CATSPERD: variants seen among roughly 807,000 people sequenced by gnomAD.
CATSPERD encodes cation channel sperm-associated auxiliary subunit delta.
In CATSPERD, 86 loss-of-function variants were observed where a neutral mutation model predicts 98.1. The ratio of observed to expected loss-of-function variants is 0.88; its 90% confidence interval spans 0.74 to 1.05. The LOEUF (loss-of-function observed/expected upper bound fraction) is 1.05. Among genes scored for constraint, CATSPERD ranks in the 50% least tolerant of loss-of-function variants. The pLI is 0.00. For missense variants in CATSPERD, 995 were observed against 1,005.7 expected (o/e 0.99, Z 0.14); for synonymous variants, 394 against 390.2 (o/e 1.01, Z -0.12).
chr19:5,743,013 G>C (rs554145275), intron 7 of CATSPERD, among the ~76,000 whole-genome samples: 35 of 151,808 alleles, frequency 2.3e-4, no homozygotes, highest in Non-Finnish European at 4.6e-4. Flanking sequence ...ATTAAATTAA[G>C]GATCTTGAGG....
At chr19:5,753,238 T>C (rs1018773886) in intron 12 of CATSPERD, among the ~76,000 whole-genome samples, 2 of 151,828 alleles carry the variant, frequency 1.3e-5, no homozygotes, top group African/African-American at 4.8e-5. Context: ...GATCTTCAGA[T>C]GCATACTAGG....
chr19:5,766,574 C>A (rs914459133), intron 17 of CATSPERD, among the ~76,000 whole-genome samples: 5 of 136,802 alleles, frequency 3.7e-5, no homozygotes, highest in African/African-American at 1.2e-4. Flanking sequence ...GGATGACTTT[C>A]GATTATTTAG....
Position 5,776,171 on chromosome 19 carries a change from G to A in CATSPERD, c.1952G>A (p.Ser651Asn), listed in dbSNP as rs1324756150. 3.1e-6 allele frequency: 5 copies of A among 1,614,158 alleles called. No individual in the cohort carries two copies. The highest frequency in any genetic ancestry group is 4.2e-6 in the Non-Finnish European group (5 of 1,180,006). ...CTCTGTCCCCCACAGAACTATGTGA[G>A]CTGCCACGACCCCAACAACAATGCC... is the stretch of plus-strand genomic sequence containing the variant. ...PFFWNRENYV[S>N]CHDPNNNAPL... The change falls in exon 21 of 22, where the codon AGC (serine) becomes AAC (asparagine). Residue 651 changes from serine to asparagine, a missense_variant. Ser to Asn is a conservative substitution (Grantham distance 46, BLOSUM62 1). Coordinates refer to ENST00000381624, the MANE Select transcript of CATSPERD (RefSeq NM_152784.4).
At position 5,724,879 on chromosome 19, in the gene CATSPERD, T is replaced by G; in HGVS notation, c.126+17T>G. 1 of 1,612,868 alleles carries G rather than the reference T, an allele frequency of 6.2e-7. No homozygotes were observed. Among genetic ancestry groups the G allele is most frequent in the Non-Finnish European group, 8.5e-7 (1 of 1,178,852 alleles). ...GTTCAAGGGGTATGTGGCTCCATGC[T>G]TAAATTCATCCTTCACTTTTGTCTA... On this transcript the variant is annotated intron_variant, in intron 2 of 21. Transcript: ENST00000381624.
rs2056250435 is a variant in CATSPERD, at chr19:5,753,024, T to C, written c.1165-1108T>C. Reference sequence around the variant, plus strand: ...GCCTGGGTGATGGAGTGAGACTCCATGTCAAAAAAAAAAAAAAAAAGTAGA... The same window carrying C: ...GCCTGGGTGATGGAGTGAGACTCCACGTCAAAAAAAAAAAAAAAAAGTAGA... On this transcript the variant is annotated intron_variant, in intron 12 of 21. Coordinates refer to ENST00000381624, the MANE Select transcript of CATSPERD (RefSeq NM_152784.4). Among the ~76,000 whole-genome samples, 5 of 137,572 alleles carry C rather than the reference T, an allele frequency of 3.6e-5. No individual in the cohort carries two copies. The South Asian group carries it at 8.9e-4, about 25-fold the overall frequency. The allele number at this position is 137,572 out of a possible 152,430, so 90.3% of individuals were successfully genotyped here.
intron 18 of CATSPERD, 126 bp from the exon 19 acceptor site, chr19:5,770,818 A>T: frequency 8.7e-7 from 1 of 1,144,944 alleles, no homozygotes; most frequent in Non-Finnish European, 1.2e-6. Flanking sequence ...CGCCCACCTC[A>T]GATGCCACCT....
At chr19:5,773,049 G>T (rs2056680388) in intron 20 of CATSPERD, 84 bp downstream of exon 20, 1 of 1,378,906 alleles carries the variant, frequency 7.3e-7, no homozygotes, top group African/African-American at 1.4e-5. Flanking sequence ...GTGCGGCCAT[G>T]GAACTGAGTA....
Position 5,745,877 on chromosome 19 carries a change from T to C in CATSPERD, c.658-36T>C, listed in dbSNP as rs1395045861. On this transcript the variant is annotated intron_variant, in intron 8 of 21. Transcript: ENST00000381624. ...GACTCAGTGGGACTCCACAGTAGGG[T>C]TTGGGGAGAGGCTGAATGGTGTCTT... 4 of 1,609,778 alleles carry C rather than the reference T, an allele frequency of 2.5e-6. No individual in the cohort carries two copies. In the Admixed American group the frequency reaches 6.7e-5, roughly 27 times the overall value.
chr19:5,720,944 C>T (rs1426623326), intron 1 of CATSPERD, 136 bp downstream of exon 1: 4 of 643,830 alleles, frequency 6.2e-6, no homozygotes, highest in Non-Finnish European at 7.9e-6. Flanking sequence ...AACTTGACGC[C>T]TCGCTCACCC....
At chr19:5,763,611 G>C (rs1369734287) in intron 16 of CATSPERD, among the ~76,000 whole-genome samples, 1 of 152,008 alleles carries the variant, frequency 6.6e-6, no homozygotes, top group Non-Finnish European at 1.5e-5. Context: ...GATTCATAGG[G>C]ACAGAAAGTA....
chr19:5,734,215 G>A (rs1030473916), intron 5 of CATSPERD, among the ~76,000 whole-genome samples: 1 of 152,172 alleles, frequency 6.6e-6, no homozygotes, highest in African/African-American at 2.4e-5. Context: ...ACAAACAAGA[G>A]GCATTGGCCG....
intron 10 of CATSPERD, 48 bp downstream of exon 10, chr19:5,748,303 A>T (rs779121013): frequency 7.1e-6 from 11 of 1,556,140 alleles, no homozygotes; most frequent in Non-Finnish European, 8.9e-6. Flanking sequence ...GACCTGGCTT[A>T]TTAACCGTAG....
intron 4 of CATSPERD, among the ~76,000 whole-genome samples, chr19:5,731,208 G>A (rs1457153827): frequency 6.6e-6 from 1 of 152,058 alleles, no homozygotes; most frequent in African/African-American, 2.4e-5. Flanking sequence ...GGCTGGACAT[G>A]GTGGTTCACG....
In CATSPERD at chr19:5,778,713, TA is replaced by T; in HGVS notation, c.*40del. The T allele has an allele frequency of 6.4e-7, 1 of 1,568,722 alleles. No individual in the cohort carries two copies. Among genetic ancestry groups the T allele is most frequent in the Non-Finnish European group, 8.6e-7 (1 of 1,157,184 alleles). ...AGGGTCCCAACCCCTTGTCTTCAAA[TA>T]AAGTATAATGTAACATAGCAGGAAG... On this transcript the variant is annotated 3_prime_UTR_variant, in exon 22 of 22. Transcript: ENST00000381624.
rs369068745 is a variant in CATSPERD at position 5,761,172 on chromosome 19, G to T, written c.1427+2028G>T. ...CTGCCTTAGCAGTGGCATGATCTCGGCTCACTGCAATCTCTGCCTCCTGGG... is the reference window on the plus strand; with the variant it reads ...CTGCCTTAGCAGTGGCATGATCTCGTCTCACTGCAATCTCTGCCTCCTGGG... On this transcript the variant is annotated intron_variant, in intron 15 of 21. Coordinates refer to ENST00000381624, the MANE Select transcript of CATSPERD (RefSeq NM_152784.4). 1.2e-4 allele frequency among the ~76,000 whole-genome samples: 18 copies of T among 152,018 alleles called. No individual in the cohort carries two copies. In the East Asian group the frequency reaches 2.3e-3, roughly 19 times the overall value.
chr19:5,739,591 G>A (rs897081814), intron 7 of CATSPERD, 152 bp downstream of exon 7: 4 of 513,504 alleles, frequency 7.8e-6, no homozygotes, highest in African/African-American at 6.2e-5. Flanking sequence ...CAGCACTTTG[G>A]GAGGCTGAGG....
rs775815872 is a variant in CATSPERD at position 5,745,901 on chromosome 19, T to G, written c.658-12T>G. On this transcript the variant is annotated splice_polypyrimidine_tract_variant and intron_variant, in intron 8 of 21. Coordinates refer to ENST00000381624, the MANE Select transcript of CATSPERD (RefSeq NM_152784.4). ...GTTTGGGGAGAGGCTGAATGGTGTC[T>G]TTTTCTCCCAGGGCATGTTCAAGTA... 6.2e-7 allele frequency: 1 copy of G among 1,613,630 alleles called. No homozygotes were observed. The highest frequency in any genetic ancestry group is 1.7e-5 in the Admixed American group (1 of 59,962).
At position 5,748,271 on chromosome 19, in the gene CATSPERD, A is replaced by C. The variant is rs1219367689; in HGVS notation, c.904+16A>C. The C allele has an allele frequency of 3.1e-6, 5 of 1,606,714 alleles. No individual in the cohort carries two copies. In the South Asian group the frequency reaches 5.5e-5, roughly 18 times the overall value. On this transcript the variant is annotated intron_variant, in intron 10 of 21. Coordinates refer to ENST00000381624, the MANE Select transcript of CATSPERD (RefSeq NM_152784.4). ...ATTGCTGTCAGTGCGTAGCCGACCC[A>C]CTGCTAGCCAAGAAATATTTAGACC...
Position 5,736,023 on chromosome 19 carries a change from C to T in CATSPERD, c.392-1115C>T, listed in dbSNP as rs762730670. On this transcript the variant is annotated intron_variant, in intron 5 of 21. Transcript: ENST00000381624. ...TCTTGATCTGACCTCATGATCCGCC[C>T]GCTTCAGCCTCCCAAAGTGCTGGGA... Among the ~76,000 whole-genome samples the T allele has an allele frequency of 6.6e-5, 10 of 151,684 alleles. No homozygotes were observed. In the East Asian group the frequency reaches 1.2e-3, roughly 18 times the overall value.
Sources: allele counts gnomAD v4.1 joint callset (sites outside exome capture counted in the v4.1 genomes callset), GRCh38; gene constraint gnomAD v4.1.1; transcripts MANE v1.5; gene names NCBI Gene and HGNC (gene_info 2026-07-23, HGNC 2026-07-21).